The following PSD3 variants were observed in gnomAD, a reference collection of about 807,000 sequenced individuals.
The protein encoded by PSD3 is pleckstrin and Sec7 domain containing 3, also known as PH and SEC7 domain-containing protein 3.
A neutral mutation model predicts 105.5 loss-of-function variants in PSD3; 49 were observed. The observed-to-expected ratio is 0.46, with a 90% CI of 0.37 to 0.59. The LOEUF (loss-of-function observed/expected upper bound fraction) is 0.59, where lower values mean the gene tolerates loss of function less well. PSD3 is among the 20% of genes least tolerant of loss of function. The probability of loss-of-function intolerance (pLI) is 0.00; values close to 1 mark genes in which losing one functional copy is unlikely to be tolerated. For synonymous variants in PSD3, 557 were observed against 457.8 expected (o/e 1.22, Z -2.77); for missense variants, 1,561 against 1,263.8 (o/e 1.24, Z -3.57).
At chr8:18,686,001 C>T (rs767203867) in intron 9 of PSD3, among the ~76,000 whole-genome samples, 9 of 152,104 alleles carry the variant, frequency 5.9e-5, no homozygotes, top group African/African-American at 2.2e-4. Context: ...ACTTTCTTTT[C>T]TCCACCAAAA....
At chr8:18,760,264 A>G (rs1585869666) in intron 9 of PSD3, among the ~76,000 whole-genome samples, 1 of 152,194 alleles carries the variant, frequency 6.6e-6, no homozygotes, top group Non-Finnish European at 1.5e-5. Flanking sequence ...TTTTGTGATG[A>G]GAACATTCAA....
At chr8:18,868,759 T>C (rs983033335) in intron 3 of PSD3, among the ~76,000 whole-genome samples, 1 of 152,184 alleles carries the variant, frequency 6.6e-6, no homozygotes, top group Non-Finnish European at 1.5e-5. Flanking sequence ...ATGCAGCATG[T>C]TCTACAAATA....
chr8:18,750,330 T>C (rs2129437583), intron 9 of PSD3, among the ~76,000 whole-genome samples: 1 of 152,180 alleles, frequency 6.6e-6, no homozygotes, highest in South Asian at 2.1e-4. Context: ...TCTGGTGGGT[T>C]CGTGGTCTCG....
chr8:18,798,093 C>A (rs1350416359), intron 8 of PSD3, among the ~76,000 whole-genome samples: 1 of 152,176 alleles, frequency 6.6e-6, no homozygotes, highest in Admixed American at 6.5e-5. Context: ...CTTTAACAAG[C>A]TGGATGAACA....
chr8:18,567,621 A>G (rs990686154), intron 14 of PSD3, among the ~76,000 whole-genome samples: 3 of 152,208 alleles, frequency 2.0e-5, no homozygotes, highest in Non-Finnish European at 4.4e-5. Flanking sequence ...AATTAAAAAC[A>G]GAAGAATCTT....
At chr8:18,955,297 G>C (rs1466517996) in intron 1 of PSD3, among the ~76,000 whole-genome samples, 1 of 152,172 alleles carries the variant, frequency 6.6e-6, no homozygotes, top group African/African-American at 2.4e-5. Flanking sequence ...CTGGAATGCA[G>C]TGGCACGATC....
intron 11 of PSD3, among the ~76,000 whole-genome samples, chr8:18,627,518 T>C (rs1487741): frequency 8.7e-4 from 132 of 151,864 alleles, no homozygotes; most frequent in African/African-American, 3.1e-3. Context: ...TCAGCTAGAG[T>C]GGATAGACTG....
intron 4 of PSD3, among the ~76,000 whole-genome samples, chr8:18,840,188 C>T (rs1372859042): frequency 6.6e-6 from 1 of 152,122 alleles, no homozygotes; most frequent in Non-Finnish European, 1.5e-5. Flanking sequence ...TGAGAACTAC[C>T]ACCCACCTGC....
At chr8:18,900,508 C>A (rs1266165408) in intron 2 of PSD3, among the ~76,000 whole-genome samples, 12 of 152,090 alleles carry the variant, frequency 7.9e-5, no homozygotes, top group African/African-American at 2.9e-4. Context: ...CTTATAACAT[C>A]ATGAATTTTC....
At chr8:18,702,669 G>C (rs1801656928) in intron 9 of PSD3, among the ~76,000 whole-genome samples, 1 of 151,910 alleles carries the variant, frequency 6.6e-6, no homozygotes, top group Non-Finnish European at 1.5e-5. Flanking sequence ...CTGGAGTGCA[G>C]TGGTGTGATC....
chr8:18,860,411 C>G lies in PSD3; in HGVS notation c.1634+7263G>C, dbSNP rs577265692. Among the ~76,000 whole-genome samples the G allele has an allele frequency of 2.0e-5, 3 of 151,410 alleles. No individual in the cohort carries two copies. The South Asian group carries it at 6.3e-4, about 32-fold the overall frequency. On this transcript the variant is annotated intron_variant, in intron 4 of 15. Transcript: ENST00000327040. Reference sequence around the variant, plus strand: ...AGCACCTGTTATTGGAAACATGGCACCAACAGACTTGTTTGAGGCAGGGTT... The same window carrying G: ...AGCACCTGTTATTGGAAACATGGCAGCAACAGACTTGTTTGAGGCAGGGTT...
At chr8:19,028,278 A>ACCCCCCCCCCCCCC (rs80142544) in intron 1 of PSD3, among the ~76,000 whole-genome samples, 2 of 94,016 alleles carry the variant, frequency 2.1e-5, no homozygotes, top group African/African-American at 8.4e-5. Flanking sequence ...CTCTCACACC[A>ACCCCCCCCCCCCCC]CCCCCCCCCC....
chr8:18,948,351 G>C (rs1822994181), intron 1 of PSD3, among the ~76,000 whole-genome samples: 1 of 152,218 alleles, frequency 6.6e-6, no homozygotes, highest in African/African-American at 2.4e-5. Flanking sequence ...CACGTTGGGA[G>C]AGCACTTGGG....
At chr8:18,811,819 C>T (rs1811712782) in intron 4 of PSD3, among the ~76,000 whole-genome samples, 2 of 152,134 alleles carry the variant, frequency 1.3e-5, no homozygotes, top group African/African-American at 4.8e-5. Flanking sequence ...GAGGTTCCCA[C>T]ATTTTCTCGA....
At chr8:18,995,267 C>T (rs2129473834) in intron 1 of PSD3, among the ~76,000 whole-genome samples, 1 of 152,246 alleles carries the variant, frequency 6.6e-6, no homozygotes, top group East Asian at 1.9e-4. Context: ...AGAAGTCTGG[C>T]CTTCCCTACA....
chr8:19,047,860 GC>G (rs1169573323), intron 1 of PSD3, among the ~76,000 whole-genome samples: 2 of 152,112 alleles, frequency 1.3e-5, no homozygotes, highest in African/African-American at 4.8e-5. Context: ...GGCCAGGTGG[GC>G]CTCTTAGTCG....
chr8:18,929,771 C>T (rs1458004974), intron 2 of PSD3, among the ~76,000 whole-genome samples: 1 of 152,098 alleles, frequency 6.6e-6, no homozygotes, highest in Non-Finnish European at 1.5e-5. Context: ...AATGAAACAA[C>T]TGACCCTCGA....
At chr8:19,062,197 C>T (rs1306764081) in intron 1 of PSD3, among the ~76,000 whole-genome samples, 2 of 152,184 alleles carry the variant, frequency 1.3e-5, no homozygotes, top group South Asian at 4.2e-4. Flanking sequence ...AACAAAAATG[C>T]TAACTAAGGA....
At chr8:18,755,216 G>C (rs1292814248) in intron 9 of PSD3, among the ~76,000 whole-genome samples, 2 of 152,004 alleles carry the variant, frequency 1.3e-5, no homozygotes, top group Non-Finnish European at 2.9e-5. Flanking sequence ...ATCACTTGAG[G>C]CTAGGAGTTC....
Sources: allele counts gnomAD v4.1 joint callset (sites outside exome capture counted in the v4.1 genomes callset), GRCh38; gene constraint gnomAD v4.1.1; transcripts MANE v1.5; gene names NCBI Gene and HGNC (gene_info 2026-07-23, HGNC 2026-07-21).